Variants in ZER1 observed in about 807,000 individuals in gnomAD.
ZER1 encodes protein zer-1 homolog.
Under a neutral mutation model 78.8 loss-of-function variants are expected in ZER1, and 11 were observed. That is an observed-to-expected ratio of 0.14 (90% CI 0.09 to 0.23). The LOEUF (loss-of-function observed/expected upper bound fraction) is 0.23, where lower values mean the gene tolerates loss of function less well. ZER1 is among the 10% of genes least tolerant of loss of function. The probability of loss-of-function intolerance (pLI) is 1.00; values close to 1 mark genes in which losing one functional copy is unlikely to be tolerated. For synonymous variants in ZER1, 400 were observed against 407.0 expected, an observed-to-expected ratio of 0.98 and a Z score of 0.21; for missense variants, 588 against 996.9, an observed-to-expected ratio of 0.59 and a Z score of 5.52.
rs1408944500 is a variant in ZER1 at position 128,751,763 on chromosome 9, C to G, written c.924-236G>C. Among the ~76,000 whole-genome samples the G allele has an allele frequency of 2.0e-5, 3 of 152,198 alleles. No homozygotes were observed. The highest frequency in any genetic ancestry group is 7.2e-5 in the African/African-American group (3 of 41,446). On this transcript the variant is annotated intron_variant, in intron 5 of 15. Transcript: ENST00000291900. This position sits in a 1 kb window ranked among gnomAD's most constrained non-coding sequence, Gnocchi z 5.4. Reference sequence around the variant, plus strand: ...CAATGCAGCCACCTTTAGAAACCACCTGCCATTCTAGTAAGGACATGGCAC... The same window carrying G: ...CAATGCAGCCACCTTTAGAAACCACGTGCCATTCTAGTAAGGACATGGCAC...
At chr9:128,763,634 T>C (rs764885463) in intron 1 of ZER1, among the ~76,000 whole-genome samples, 11 of 152,138 alleles carry the variant, frequency 7.2e-5, no homozygotes, top group Non-Finnish European at 1.6e-4. Flanking sequence ...GGCCTGGGGC[T>C]CTGGATGCCC....
rs891285490 is a variant in ZER1, at chr9:128,755,470, C to T, written c.96G>A (p.Glu32=). 7 of 1,614,050 alleles carry T rather than the reference C, an allele frequency of 4.3e-6. No individual in the cohort carries two copies. Among genetic ancestry groups the T allele is most frequent in the Admixed American group, 3.3e-5 (2 of 59,980 alleles). ...AGATGTCCGGATGTAGCCGCAGGGT[C>T]TCCTTGTCCAGCAGGTAGCCCAGGG... The part of the protein sequence containing the change: ...DGTLGYLLDK[E]TLRLHPDIFL... The change falls in exon 2 of 16, where the codon GAG becomes GAA. Residue 32 remains glutamate, a synonymous_variant. Transcript: ENST00000291900. This position sits in a 1 kb window ranked among gnomAD's most constrained non-coding sequence, Gnocchi z 5.6.
intron 4 of ZER1, 141 bp from the exon 5 acceptor site, chr9:128,752,990 A>G: frequency 7.8e-7 from 1 of 1,275,134 alleles, no homozygotes; most frequent in Non-Finnish European, 1.1e-6. Flanking sequence ...AAGAAACCCC[A>G]AACAGCCCCA....
chr9:128,764,375 G>A (rs1053440449), intron 1 of ZER1, among the ~76,000 whole-genome samples: 2 of 152,132 alleles, frequency 1.3e-5, no homozygotes, highest in Non-Finnish European at 2.9e-5. Context: ...TTGGCTCGGA[G>A]GCTCTGAATG....
intron 1 of ZER1, among the ~76,000 whole-genome samples, chr9:128,761,157 CA>C (rs34939675): frequency 0.07 from 4,347 of 61,928 alleles, 54 homozygotes; most frequent in Middle Eastern, 0.18. Context: ...GACTCTGTCT[CA>C]AAAAAAAAAA....
chr9:128,739,133 A>G (rs1863198541), intron 13 of ZER1, among the ~76,000 whole-genome samples: 1 of 151,964 alleles, frequency 6.6e-6, no homozygotes, highest in South Asian at 2.1e-4. Flanking sequence ...TACAGGCGTG[A>G]ACCACTGCAC....
chr9:128,735,275 G>A (rs1346614908), intron 14 of ZER1, 59 bp downstream of exon 14: 1 of 1,497,856 alleles, frequency 6.7e-7, no homozygotes, highest in African/African-American at 1.4e-5. Flanking sequence ...CAAACTCCCT[G>A]AGGGCACATC....
chr9:128,750,280 A>G (rs1369080150), intron 8 of ZER1, among the ~76,000 whole-genome samples: 1 of 152,196 alleles, frequency 6.6e-6, no homozygotes, highest in African/African-American at 2.4e-5. Context: ...ACTTTTCTAT[A>G]ATAAAGGCTT....
intron 1 of ZER1, among the ~76,000 whole-genome samples, chr9:128,762,705 G>C (rs937753988): frequency 6.6e-6 from 1 of 152,132 alleles, no homozygotes; most frequent in Admixed American, 6.6e-5. Context: ...CCAGCTCCGG[G>C]CCTGTGCTCC....
At chr9:128,772,092 C>T (rs1011845545), upstream of ZER1, among the ~76,000 whole-genome samples, 1 of 145,796 alleles carries the variant, frequency 6.9e-6, no homozygotes, top group South Asian at 2.1e-4. Flanking sequence ...CGCGGGATGC[C>T]CCCCCCAGGC....
At chr9:128,738,075 C>T (rs953713226) in intron 13 of ZER1, among the ~76,000 whole-genome samples, 19 of 146,960 alleles carry the variant, frequency 1.3e-4, no homozygotes, top group African/African-American at 4.8e-4. Context: ...GACGGAGTCT[C>T]GCTCTGTCGC....
In ZER1 at chr9:128,755,589, C is replaced by T. The variant is rs776592663; in HGVS notation, c.-24G>A. 9.4e-6 allele frequency: 15 copies of T among 1,599,388 alleles called. No individual in the cohort carries two copies. Among genetic ancestry groups the T allele is most frequent in the Non-Finnish European group, 1.2e-5 (14 of 1,167,868 alleles). ...ATGCTGGGGGCAAGCAGGTGGGCCA[C>T]TCCAGGACAAGGATCCCCAGGGGCA... On this transcript the variant is annotated 5_prime_UTR_variant, in exon 2 of 16. The change creates a new upstream start codon in the 5' untranslated region. Coordinates refer to ENST00000291900, the MANE Select transcript of ZER1 (RefSeq NM_006336.4). This position sits in a 1 kb window ranked among gnomAD's most constrained non-coding sequence, Gnocchi z 5.6.
intron 15 of ZER1, 47 bp from the exon 16 acceptor site, chr9:128,731,441 G>GGGGGGGGGTGGGGGGGGC: frequency 2.8e-6 from 2 of 704,916 alleles, no homozygotes; most frequent in Non-Finnish European, 5.2e-6. Context: ...CTTGGGTGGG[G>GGGGGGGGGTGGGGGGGGC]GTGAGCCCAG....
intron 1 of ZER1, among the ~76,000 whole-genome samples, chr9:128,764,576 T>C (rs2132484259): frequency 6.6e-6 from 1 of 152,280 alleles, no homozygotes; most frequent in South Asian, 2.1e-4. Flanking sequence ...AGTGTTGACC[T>C]TGCCACTCAG....
At chr9:128,767,486 T>C (rs890255342) in intron 1 of ZER1, among the ~76,000 whole-genome samples, 1 of 151,890 alleles carries the variant, frequency 6.6e-6, no homozygotes. Context: ...GCTCAAGCAA[T>C]ACGCCCACCT....
In ZER1 at chr9:128,763,570, C is replaced by T. The variant is rs74620602; in HGVS notation, c.-94-7911G>A. Among the ~76,000 whole-genome samples, 4 of 152,358 alleles carry T rather than the reference C, an allele frequency of 2.6e-5. No homozygotes were observed. In the East Asian group the frequency reaches 7.7e-4, roughly 29 times the overall value. On this transcript the variant is annotated intron_variant, in intron 1 of 15. Transcript: ENST00000291900. ...CTCCGGAGGGAGACAGATCCACCTA[C>T]AGGGCCCATAAGCGCCTGTCGCGTA... is the stretch of plus-strand genomic sequence containing the variant.
rs1862790044 is a variant in ZER1, at chr9:128,730,833, C to G, written c.*504G>C. On this transcript the variant is annotated 3_prime_UTR_variant, in exon 16 of 16. Transcript: ENST00000291900. ...ACCCAGTGGGGTAAGTTCTAATCCC[C>G]AAACCCCATCAGCTGTGCCCGGGAG... 1 of 152,824 alleles carries G rather than the reference C, an allele frequency of 6.5e-6. No individual in the cohort carries two copies. Among genetic ancestry groups the G allele is most frequent in the Non-Finnish European group, 1.5e-5 (1 of 68,210 alleles). The allele number at this position is 152,824 out of a possible 1,614,324, so 9.5% of individuals were successfully genotyped here.
intron 1 of ZER1, among the ~76,000 whole-genome samples, chr9:128,767,335 C>T (rs1449396562): frequency 6.6e-6 from 1 of 152,114 alleles, no homozygotes; most frequent in Non-Finnish European, 1.5e-5. Context: ...CAACCTCCAC[C>T]TCTCACGTTC....
chr9:128,735,499 G>C, intron 13 of ZER1, 68 bp from the exon 14 acceptor site: 1 of 1,469,482 alleles, frequency 6.8e-7, no homozygotes, highest in East Asian at 2.3e-5. Context: ...CTTGTCTGAG[G>C]TTTCCTCCCA....
Sources: gnomAD v4.1 joint callset for allele counts (sites outside exome capture counted in the v4.1 genomes callset) on GRCh38, gnomAD v4.1.1 for gene constraint, Gnocchi (gnomAD v3.1) non-coding constraint, MANE v1.5 for transcripts, NCBI Gene and HGNC (gene_info 2026-07-23, HGNC 2026-07-21) for gene names.